TFEC: variants seen among roughly 807,000 people sequenced by gnomAD.
TFEC encodes class E basic helix-loop-helix protein 34.
A neutral mutation model predicts 41.6 loss-of-function variants in TFEC; 31 were observed. The observed-to-expected ratio is 0.74, with a 90% CI of 0.56 to 1.01. TFEC has a LOEUF of 1.01. Among genes scored for constraint, TFEC ranks in the 50% least tolerant of loss-of-function variants. The pLI is 0.00. For synonymous variants in TFEC, 143 were observed against 140.6 expected (o/e 1.02, Z -0.12); for missense variants, 402 against 404.1 (o/e 0.99, Z 0.04).
intron 6 of TFEC, among the ~76,000 whole-genome samples, chr7:115,946,541 G>C (rs1159840858): frequency 6.6e-6 from 1 of 150,824 alleles, no homozygotes; most frequent in Non-Finnish European, 1.5e-5. Flanking sequence ...TCAGCCTCCT[G>C]AGTAGCTTGG....
chr7:116,106,644 C>T (rs1797724593), intron 3 of TFEC, among the ~76,000 whole-genome samples: 1 of 152,132 alleles, frequency 6.6e-6, no homozygotes, highest in South Asian at 2.1e-4. Context: ...CCTCAGCCTC[C>T]CAAAGTTCTG....
At chr7:116,101,163 C>A (rs142591078) in intron 3 of TFEC, among the ~76,000 whole-genome samples, 4,042 of 150,750 alleles carry the variant, frequency 0.027, 68 homozygotes, top group Middle Eastern at 0.041. Flanking sequence ...ATGAGACTCC[C>A]AACACCAATG....
At chr7:115,987,433 C>G (rs977430285) in intron 1 of TFEC, among the ~76,000 whole-genome samples, 2 of 152,268 alleles carry the variant, frequency 1.3e-5, no homozygotes, top group Middle Eastern at 3.4e-3. Context: ...ATTTCTCTAA[C>G]TGGATGTGCC....
At chr7:115,983,035 C>T (rs1464152229) in intron 2 of TFEC, among the ~76,000 whole-genome samples, 2 of 151,972 alleles carry the variant, frequency 1.3e-5, no homozygotes, top group African/African-American at 4.8e-5. Flanking sequence ...AGAAAATGAA[C>T]TTTGGGAGAA....
chr7:115,967,773 T>G (rs1792932071), intron 3 of TFEC, among the ~76,000 whole-genome samples: 2 of 151,780 alleles, frequency 1.3e-5, no homozygotes, highest in South Asian at 4.1e-4. Flanking sequence ...CTATATACAA[T>G]AATAGAAGAG....
chr7:115,960,501 G>A (rs1792482738), intron 3 of TFEC, among the ~76,000 whole-genome samples: 1 of 151,642 alleles, frequency 6.6e-6, no homozygotes, highest in Non-Finnish European at 1.5e-5. Context: ...AATGGCAGTG[G>A]ATCCAAGATC....
At chr7:116,016,137 GA>G (rs113202984) in intron 1 of TFEC, among the ~76,000 whole-genome samples, 9 of 152,108 alleles carry the variant, frequency 5.9e-5, no homozygotes, top group African/African-American at 2.2e-4. Flanking sequence ...AGAGTTTCAA[GA>G]AAAAAGTGGT....
At chr7:116,104,653 T>G (rs890898930) in intron 3 of TFEC, among the ~76,000 whole-genome samples, 1 of 152,076 alleles carries the variant, frequency 6.6e-6, no homozygotes, top group Non-Finnish European at 1.5e-5. Flanking sequence ...TTTCTCTAAT[T>G]TCTATCCCTT....
intron 3 of TFEC, among the ~76,000 whole-genome samples, chr7:116,037,545 T>TTTTA (rs1158155983): frequency 6.6e-6 from 1 of 151,990 alleles, no homozygotes; most frequent in Non-Finnish European, 1.5e-5. Flanking sequence ...AAAAGTCAGA[T>TTTTA]TTTATTACCA....
intron 3 of TFEC, among the ~76,000 whole-genome samples, chr7:116,062,138 G>A (rs1018598832): frequency 6.1e-5 from 9 of 147,074 alleles, no homozygotes; most frequent in African/African-American, 2.3e-4. Context: ...TTGGCTCACT[G>A]CAGCCTCCAC....
upstream of TFEC, among the ~76,000 whole-genome samples, chr7:116,032,927 A>G (rs1257394898): frequency 1.3e-5 from 2 of 152,182 alleles, no homozygotes; most frequent in African/African-American, 2.4e-5. Flanking sequence ...CTTTTAGTAT[A>G]GTATACTACT....
chr7:115,968,540 T>A (rs145522980), intron 3 of TFEC, among the ~76,000 whole-genome samples: 217 of 151,890 alleles, frequency 1.4e-3, no homozygotes, highest in African/African-American at 4.9e-3. Context: ...AATACCTATA[T>A]ATGTTAAAAG....
intron 3 of TFEC, among the ~76,000 whole-genome samples, chr7:116,075,542 C>A (rs1284376278): frequency 6.6e-6 from 1 of 152,114 alleles, no homozygotes; most frequent in Admixed American, 6.5e-5. Flanking sequence ...GGGGGTGGGG[C>A]ACAGTGGGAG....
chr7:115,960,361 A>AT (rs1480874771), intron 3 of TFEC, among the ~76,000 whole-genome samples: 1 of 151,732 alleles, frequency 6.6e-6, no homozygotes, highest in Non-Finnish European at 1.5e-5. Context: ...AAGAAAGTTT[A>AT]TCCCATAAAG....
rs1797837869 is a variant in TFEC at position 116,110,841 on chromosome 7, C to T, written c.65G>A (p.Arg22Lys). 3.2e-6 allele frequency: 5 copies of T among 1,543,232 alleles called. No individual in the cohort carries two copies. The East Asian group carries it at 7.4e-5, about 23-fold the overall frequency. Residue 22 changes from arginine (R) to lysine (K), a missense_variant, in exon 3 of 9, where the codon AGA becomes AAA. Physicochemically the swap from Arg to Lys is conservative, Grantham distance 26 (BLOSUM62 2). Coordinates refer to the TFEC transcript ENST00000484212. ...ACTGATTTCCTGGCTGATTTGAAGT[C>T]TTCTCTCCTTTTCTCCTAATTGTTC...
intron 1 of TFEC, among the ~76,000 whole-genome samples, chr7:116,123,957 T>G (rs1798159872): frequency 6.6e-6 from 1 of 152,092 alleles, no homozygotes; most frequent in South Asian, 2.1e-4. Flanking sequence ...ATGACTGATA[T>G]AGAAATGGAT....
chr7:116,083,404 A>G (rs1797134025), intron 3 of TFEC, among the ~76,000 whole-genome samples: 1 of 151,988 alleles, frequency 6.6e-6, no homozygotes, highest in Non-Finnish European at 1.5e-5. Context: ...CAGCTTATTA[A>G]ATTAGAATAA....
chr7:115,969,856 A>G (rs1278275918), intron 3 of TFEC, among the ~76,000 whole-genome samples: 2 of 151,960 alleles, frequency 1.3e-5, no homozygotes, highest in South Asian at 4.1e-4. Flanking sequence ...TGTAGATTAC[A>G]AAAACATATT....
intron 1 of TFEC, among the ~76,000 whole-genome samples, chr7:116,122,034 G>C (rs1372539524): frequency 5.9e-5 from 9 of 151,946 alleles, no homozygotes; most frequent in Non-Finnish European, 8.8e-5. Context: ...TTCTCTACAG[G>C]GAAATGTTGG....
Sources: allele counts gnomAD v4.1 joint callset (sites outside exome capture counted in the v4.1 genomes callset), GRCh38; gene constraint gnomAD v4.1.1; transcripts MANE v1.5; gene names NCBI Gene and HGNC (gene_info 2026-07-23, HGNC 2026-07-21).